Variants in ESR2 observed in about 807,000 individuals in gnomAD.
ESR2 encodes the protein estrogen receptor 2.
Under a neutral mutation model 49.6 loss-of-function variants are expected in ESR2, and 36 were observed. The ratio of observed to expected loss-of-function variants is 0.73; its 90% CI spans 0.56 to 0.96. The LOEUF is 0.96. Ranked by LOEUF, ESR2 falls within the 40% of genes least tolerant of loss-of-function variation. ESR2 has a pLI of 0.00. For synonymous variants in ESR2, 320 were observed against 266.1 expected, an observed-to-expected ratio of 1.20 and a Z score of -1.97; for missense variants, 714 against 693.0, an observed-to-expected ratio of 1.03 and a Z score of -0.34.
intron 1 of ESR2, among the ~76,000 whole-genome samples, chr14:64,328,760 T>C (rs1338739125): frequency 6.6e-6 from 1 of 152,190 alleles, no homozygotes; most frequent in African/African-American, 2.4e-5. Flanking sequence ...AGCTAATTTT[T>C]CCATTTTGTA....
intron 1 of ESR2, among the ~76,000 whole-genome samples, chr14:64,290,858 T>C (rs138356671): frequency 7.9e-5 from 12 of 152,288 alleles, no homozygotes; most frequent in African/African-American, 2.9e-4. Flanking sequence ...CCTGTTTCCT[T>C]CTAAAATGAG....
At chr14:64,240,578 G>A (rs1018377685) in intron 7 of ESR2, among the ~76,000 whole-genome samples, 4 of 152,088 alleles carry the variant, frequency 2.6e-5, no homozygotes, top group Non-Finnish European at 4.4e-5. Flanking sequence ...CATATTTTGC[G>A]TGTACGATTT....
At chr14:64,316,134 C>T (rs1358941038) in intron 1 of ESR2, among the ~76,000 whole-genome samples, 2 of 151,764 alleles carry the variant, frequency 1.3e-5, no homozygotes, top group Non-Finnish European at 2.9e-5. Context: ...CTCAGCTTCT[C>T]GAGTAGCTAA....
At chr14:64,304,347 A>G (rs2077063597) in intron 1 of ESR2, among the ~76,000 whole-genome samples, 1 of 152,118 alleles carries the variant, frequency 6.6e-6, no homozygotes, top group Non-Finnish European at 1.5e-5. Context: ...GATTGGTTAC[A>G]GATTGCTAAA....
chr14:64,269,755 A>C (rs1378232280), intron 3 of ESR2, among the ~76,000 whole-genome samples: 1 of 152,226 alleles, frequency 6.6e-6, no homozygotes, highest in East Asian at 1.9e-4. Flanking sequence ...ATTGTAGTAA[A>C]ATCCTAAGAG....
rs757686092 is a variant in ESR2, at chr14:64,233,144, G to A, written c.1586C>T (p.Ser529Phe). Residue 529 changes from serine to phenylalanine, a missense_variant, in exon 9 of 9, where the codon TCT (serine) becomes TTT (phenylalanine). Physicochemically the swap from Ser to Phe is radical, Grantham distance 155. Transcript: ENST00000341099. ...TCACCTCAGGGCCAGGCGTCACTGA[G>A]ACTGTGGGTTCTGGGAGCCCTCTTT... ...KSKEGSQNPQ[S>F]Q 1.2e-5 allele frequency: 20 copies of A among 1,613,486 alleles called. No homozygotes were observed. The highest frequency in any genetic ancestry group is 1.7e-5 in the Non-Finnish European group (20 of 1,179,494).
intron 1 of ESR2, among the ~76,000 whole-genome samples, chr14:64,311,427 G>T (rs949719958): frequency 1.3e-5 from 2 of 151,958 alleles, no homozygotes; most frequent in African/African-American, 4.8e-5. Context: ...ATCACTAGAG[G>T]TCAGGAGTTT....
intron 6 of ESR2, among the ~76,000 whole-genome samples, chr14:64,253,606 A>ATT (rs386381595): frequency 1.2e-5 from 1 of 84,942 alleles, no homozygotes; most frequent in Non-Finnish European, 2.5e-5. Context: ...GTGTGTGTGT[A>ATT]TGTATGTGTG....
chr14:64,331,260 A>G lies in ESR2; in HGVS notation c.-91+6638T>C, dbSNP rs375608261. 1.1e-4 allele frequency among the ~76,000 whole-genome samples: 17 copies of G among 152,392 alleles called. No individual in the cohort carries two copies. In the East Asian group the frequency reaches 1.5e-3, roughly 14 times the overall value. On this transcript the variant is annotated intron_variant, in intron 1 of 8. Transcript: ENST00000358599. ...TAGACTATAGGGCAAAAAGTATTACATGAAATAAGTGAGATTTCATAACGA... is the reference window on the plus strand; with the variant it reads ...TAGACTATAGGGCAAAAAGTATTACGTGAAATAAGTGAGATTTCATAACGA...
intron 1 of ESR2, among the ~76,000 whole-genome samples, chr14:64,332,995 G>C (rs1173531750): frequency 6.7e-6 from 1 of 149,688 alleles, no homozygotes; most frequent in East Asian, 2.0e-4. Flanking sequence ...TCCTGCCTCA[G>C]CCTCCCGAGT....
At chr14:64,305,979 G>A (rs1278485838) in intron 1 of ESR2, among the ~76,000 whole-genome samples, 2 of 152,152 alleles carry the variant, frequency 1.3e-5, no homozygotes, top group Non-Finnish European at 2.9e-5. Flanking sequence ...GGGAGGCCGA[G>A]GCAGGCGGAT....
chr14:64,286,243 G>T (rs2076783571), intron 1 of ESR2, among the ~76,000 whole-genome samples: 5 of 152,104 alleles, frequency 3.3e-5, no homozygotes, highest in South Asian at 2.1e-4. Context: ...ATCAAGGAAG[G>T]TTTGGTGTTT....
chr14:64,260,684 C>CCA lies in ESR2; in HGVS notation c.716_717insTG (p.His240GlyfsTer25). On this transcript the variant is annotated frameshift_variant, in exon 5 of 9. Transcript: ENST00000341099. LOFTEE classifies it high-confidence loss of function. ...TTCTCTTGGCCTTGCCGGCACAGTG[C>CCA]AGCTGCTCGTCGGCACTTCTCTGTC... 1 of 1,559,058 alleles carries CCA rather than the reference C, an allele frequency of 6.4e-7. No homozygotes were observed. Among genetic ancestry groups the CCA allele is most frequent in the Admixed American group, 1.9e-5 (1 of 53,126 alleles).
Position 64,283,156 on chromosome 14 carries a change from AT to A in ESR2, c.-90-82del, listed in dbSNP as rs2076715738. On this transcript the variant is annotated intron_variant, in intron 1 of 8. Transcript: ENST00000341099. ...AAATTTAAATATTTTCATTAAAAAA[AT>A]ACATACGTTTGTATGAGATTACAAA... 1.1e-5 allele frequency: 6 copies of A among 570,488 alleles called. No individual in the cohort carries two copies. The East Asian group carries it at 1.5e-4, about 14-fold the overall frequency. 35.3% of individuals were successfully genotyped at this position (570,488 alleles called of 1,614,324 possible). A position where few individuals can be genotyped will look rare whatever the true frequency, so the allele number is the denominator to read the frequency against.
upstream of ESR2, chr14:64,298,623 A>G (rs1426885556): frequency 6.6e-6 from 1 of 152,110 alleles, no homozygotes; most frequent in Non-Finnish European, 1.5e-5. Context: ...GACAGACCCA[A>G]CCTGATACCT....
chr14:64,260,641 G>A lies in ESR2; in HGVS notation c.760C>T (p.Arg254Ter). Residue 254 changes from arginine to a stop codon, truncating the protein, a stop_gained, in exon 5 of 9, where the codon CGA (arginine) becomes TGA (stop). Transcript: ENST00000341099. LOFTEE classifies it high-confidence loss of function. Reference protein sequence around the residue: ...KAKRSGGHAPRVRELLLDALS... With the variant: ...KAKRSGGHAP The stretch of plus-strand genomic sequence containing the variant: ...GCGTCCAGCAGCAGCTCCCGCACTC[G>A]GGGCGCGTGGCCGCCACTTCTCTTG... The A allele has an allele frequency of 2.5e-6, 4 of 1,609,056 alleles. No individual in the cohort carries two copies. Among genetic ancestry groups the A allele is most frequent in the East Asian group, 2.2e-5 (1 of 44,686 alleles).
Position 64,235,035 on chromosome 14 carries a change from G to A in ESR2, c.1341C>T (p.Ser447=). 6.2e-7 allele frequency: 1 copy of A among 1,614,242 alleles called. No homozygotes were observed. Among genetic ancestry groups the A allele is most frequent in the Non-Finnish European group, 8.5e-7 (1 of 1,180,048 alleles). ...LVWVIAKSGI[S]SQQQSMRLAN... ...CCAGGCGCATGGATTGCTGCTGGGAGGAGATGCCGCTCTTGGCAATCACCC... is the reference window on the plus strand; with the variant it reads ...CCAGGCGCATGGATTGCTGCTGGGAAGAGATGCCGCTCTTGGCAATCACCC... The change falls in exon 8 of 9, where the codon TCC becomes TCT. Residue 447 remains serine, a synonymous_variant. Transcript: ENST00000341099.
rs565419607 is a variant in ESR2 at position 64,235,075 on chromosome 14, G to A, written c.1301C>T (p.Thr434Ile). ...RKLAHLLNAVTDALVWVIAKS... is the reference protein window; with the variant it reads ...RKLAHLLNAVIDALVWVIAKS... ...GGCAATCACCCAAACCAAAGCATCG[G>A]TCACGGCGTTCAGCAAGTGAGCCAG... Residue 434 changes from threonine (T) to isoleucine (I), a missense_variant, in exon 8 of 9, where the codon ACC (threonine) becomes ATC (isoleucine). By Grantham distance (89) the Thr-to-Ile change is moderately conservative. Transcript: ENST00000341099. 4.3e-6 allele frequency: 7 copies of A among 1,614,112 alleles called. No homozygotes were observed. Among genetic ancestry groups the A allele is most frequent in the Non-Finnish European group, 4.2e-6 (5 of 1,180,052 alleles).
At position 64,279,965 on chromosome 14, in the gene ESR2, A is replaced by G; in HGVS notation, c.535+16T>C. 6.2e-7 allele frequency: 1 copy of G among 1,601,426 alleles called. No homozygotes were observed. The highest frequency in any genetic ancestry group is 8.5e-7 in the Non-Finnish European group (1 of 1,170,232). ...AAAGTAGGAAACTAAAGAAGCAGTTAACAATTCTCTTGTACCTTGAATGCT... is the reference window on the plus strand; with the variant it reads ...AAAGTAGGAAACTAAAGAAGCAGTTGACAATTCTCTTGTACCTTGAATGCT... On this transcript the variant is annotated intron_variant, in intron 3 of 8. Transcript: ENST00000341099.
Sources: allele counts gnomAD v4.1 joint callset (sites outside exome capture counted in the v4.1 genomes callset), GRCh38; gene constraint gnomAD v4.1.1; transcripts MANE v1.5; gene names NCBI Gene and HGNC (gene_info 2026-07-23, HGNC 2026-07-21).